The following PALB2 variants were observed in gnomAD, a reference collection of about 807,000 sequenced individuals.
The protein encoded by PALB2 is mutant partner and localizer of BRCA2.
A neutral mutation model predicts 107.4 loss-of-function variants in PALB2; 82 were observed. The ratio of observed to expected loss-of-function variants is 0.76; its 90% confidence interval spans 0.64 to 0.92. PALB2 has a LOEUF of 0.92. Ranked by LOEUF, PALB2 falls within the 40% of genes least tolerant of loss-of-function variation. The pLI, the probability that PALB2 is intolerant of heterozygous loss-of-function variation, is 0.00. For synonymous variants in PALB2, 489 were observed against 496.8 expected (o/e 0.98, Z 0.21); for missense variants, 1,374 against 1,379.9 (o/e 1.00, Z 0.07).
At position 23,635,982 on chromosome 16, in the gene PALB2, A is replaced by G. The variant is rs2142440308; in HGVS notation, c.564T>C (p.Ala188=). 1 of 1,614,180 alleles carries G rather than the reference A, an allele frequency of 6.2e-7. No individual in the cohort carries two copies. ...TTCTTATTTCAGTTACTGGTGATCT[A>G]GCAGGATTTTTGCTACTGATTTCTT... The part of the protein sequence containing the change: ...EQEEISSKNP[A]RSPVTEIRTH... The change falls in exon 4 of 13, where the codon GCT becomes GCC. Residue 188 remains alanine, a synonymous_variant. Transcript: ENST00000261584.
chr16:23,618,165 G>A lies in PALB2; in HGVS notation c.3113+3197C>T, dbSNP rs535214689. Reference sequence around the variant, plus strand: ...AATTTAAAAATTAGCAGGGCATGATGCTGTGTGCCTGCAGTCCCAGCTACT... The same window carrying A: ...AATTTAAAAATTAGCAGGGCATGATACTGTGTGCCTGCAGTCCCAGCTACT... On this transcript the variant is annotated intron_variant, in intron 10 of 12. Coordinates refer to ENST00000261584, the MANE Select transcript of PALB2 (RefSeq NM_024675.4). Among the ~76,000 whole-genome samples the A allele has an allele frequency of 1.4e-4, 22 of 151,748 alleles. 1 individual carries two copies. The highest frequency in any genetic ancestry group is 4.1e-4 in the African/African-American group (17 of 41,398).
intron 1 of PALB2, among the ~76,000 whole-genome samples, chr16:23,639,868 G>A (rs191706597): frequency 6.8e-4 from 104 of 152,116 alleles, no homozygotes; most frequent in Admixed American, 1.2e-3. Flanking sequence ...TACTAGACAA[G>A]TTGCCAACCG....
chr16:23,636,336 T>C lies in PALB2; in HGVS notation c.212-2A>G, dbSNP rs730881879. 7 of 1,586,880 alleles carry C rather than the reference T, an allele frequency of 4.4e-6. No individual in the cohort carries two copies. The highest frequency in any genetic ancestry group is 1.7e-5 in the Admixed American group (1 of 57,188). On this transcript the variant is annotated splice_acceptor_variant, in intron 3 of 12. Coordinates refer to ENST00000261584, the MANE Select transcript of PALB2 (RefSeq NM_024675.4). LOFTEE classifies it high-confidence loss of function. ...AAACACATATTTTATTTTTAGGTTCTGAGGAGGAAAAAAATGTATATAACT... is the reference window on the plus strand; with the variant it reads ...AAACACATATTTTATTTTTAGGTTCCGAGGAGGAAAAAAATGTATATAACT...
chr16:23,640,792 T>C, intron 1 of PALB2: 1 of 337,794 alleles, frequency 3.0e-6, no homozygotes, highest in Non-Finnish European at 5.4e-6. Flanking sequence ...AAGATTTACT[T>C]GAGGCCGTCC....
At chr16:23,625,215 C>T (rs1356240406) in intron 7 of PALB2, among the ~76,000 whole-genome samples, 1 of 152,080 alleles carries the variant, frequency 6.6e-6, no homozygotes, top group African/African-American at 2.4e-5. Flanking sequence ...CGCCTGTAGT[C>T]CCAGCTACTC....
At chr16:23,606,492 A>C (rs1237093819) in intron 12 of PALB2, among the ~76,000 whole-genome samples, 1 of 152,204 alleles carries the variant, frequency 6.6e-6, no homozygotes, top group Non-Finnish European at 1.5e-5. Flanking sequence ...GGTCCAAAAA[A>C]ACATGTATTG....
At chr16:23,622,861 A>G in intron 9 of PALB2, 108 bp downstream of exon 9, 2 of 1,260,314 alleles carry the variant, frequency 1.6e-6, no homozygotes, top group Non-Finnish European at 2.3e-6. Context: ...TGCTTATATT[A>G]CACCCCCAGC....
chr16:23,640,497 C>T, intron 1 of PALB2: 1 of 217,098 alleles, frequency 4.6e-6, no homozygotes, highest in Non-Finnish European at 9.3e-6. Flanking sequence ...GAGTGAGACT[C>T]TGTCTCAAAA....
At chr16:23,607,467 A>T (rs570277) in intron 12 of PALB2, 183,731 of 243,006 alleles carry the variant, frequency 0.76, 69,268 homozygotes, top group East Asian at 0.79. Context: ...ATATATATAT[A>T]TTTTTTTTGG....
At chr16:23,615,670 CT>C (rs907281481) in intron 10 of PALB2, among the ~76,000 whole-genome samples, 61 of 146,088 alleles carry the variant, frequency 4.2e-4, no homozygotes, top group East Asian at 3.9e-4. Context: ...AGTCCAAGTT[CT>C]TTTTTTTTTT....
chr16:23,619,183 G>C (rs1478901709), intron 10 of PALB2, among the ~76,000 whole-genome samples: 1 of 152,090 alleles, frequency 6.6e-6, no homozygotes, highest in Non-Finnish European at 1.5e-5. Context: ...CAAGGCTTCT[G>C]AGAAAAGAAA....
At chr16:23,613,936 G>T in intron 11 of PALB2, 68 bp downstream of exon 11, 2 of 1,179,984 alleles carry the variant, frequency 1.7e-6, no homozygotes, top group South Asian at 1.3e-5. Flanking sequence ...TACTGCTTAT[G>T]ACTTACTGCT....
At chr16:23,604,462 C>T (rs559086137) in intron 12 of PALB2, among the ~76,000 whole-genome samples, 1 of 152,338 alleles carries the variant, frequency 6.6e-6, no homozygotes, top group African/African-American at 2.4e-5. Context: ...ACAGGAGGTG[C>T]TCAATAAAAA....
Position 23,635,014 on chromosome 16 carries a change from C to T in PALB2, c.1532G>A (p.Arg511Lys), listed in dbSNP as rs1555461231. ...RKAVAQAPGR[R>K]YTGKRKSACT... ...GGCTGATTTTCTTTTTCCTGTGTAT[C>T]TTCTACCAGGTGCTTGGGCAACTGC... The change falls in exon 4 of 13, where the codon AGA (arginine) becomes AAA (lysine). Residue 511 changes from arginine to lysine, a missense_variant. Transcript: ENST00000261584. 1.2e-6 allele frequency: 2 copies of T among 1,614,110 alleles called. No individual in the cohort carries two copies. Among genetic ancestry groups the T allele is most frequent in the South Asian group, 2.2e-5 (2 of 91,078 alleles).
rs876658431 is a variant in PALB2, at chr16:23,635,339, GA to G, written c.1206del (p.Leu403CysfsTer21). 6.2e-7 allele frequency: 1 copy of G among 1,614,018 alleles called. No homozygotes were observed. The stretch of plus-strand genomic sequence containing the variant: ...CTAACATAATATTCTGCAGGAAACA[GA>G]AGGCCTTCAGGCACTGTGCAAGAAT... The part of the protein sequence containing the change: ...EKHSCTVPEG[L>X]LFPAEYYVRT... On this transcript the variant is annotated frameshift_variant, in exon 4 of 13. Transcript: ENST00000261584. LOFTEE classifies it high-confidence loss of function.
chr16:23,630,060 A>C lies in PALB2; in HGVS notation c.2094T>G (p.Leu698=), dbSNP rs2142381302. The change falls in exon 5 of 13, where the codon CTT becomes CTG. Residue 698 remains leucine (L), a synonymous_variant. Transcript: ENST00000261584. The part of the protein sequence containing the change: ...NSQSQHTKTG[L]SSSILLYTPL... ...GAGTATAAAGTAATATGGATGAAGA[A>C]AGGCCCGTCTTTGTATGCTGGCTTT... 1 of 1,614,142 alleles carries C rather than the reference A, an allele frequency of 6.2e-7. No individual in the cohort carries two copies. Among genetic ancestry groups the C allele is most frequent in the East Asian group, 2.2e-5 (1 of 44,886 alleles).
intron 10 of PALB2, among the ~76,000 whole-genome samples, chr16:23,614,539 C>A (rs548162790): frequency 2.1e-4 from 31 of 150,166 alleles, no homozygotes; most frequent in Non-Finnish European, 2.8e-4. Flanking sequence ...ATTTATACTA[C>A]AACTAGACCA....
intron 7 of PALB2, 34 bp from the exon 8 acceptor site, chr16:23,624,128 G>T: frequency 6.8e-7 from 1 of 1,465,750 alleles, no homozygotes; most frequent in South Asian, 1.1e-5. Flanking sequence ...AATTATGCTT[G>T]GTTGTTTCAT....
chr16:23,635,619 T>G lies in PALB2; in HGVS notation c.927A>C (p.Ile309=), dbSNP rs1326253995. 6.2e-7 allele frequency: 1 copy of G among 1,614,146 alleles called. No individual in the cohort carries two copies. The highest frequency in any genetic ancestry group is 8.5e-7 in the Non-Finnish European group (1 of 1,179,984). ...TTGTGGGCAGTTGGCCACTTTTACT[T>G]ATAGCTTTATTTACAAGGAGGTTAT... ...STDNLLVNKA[I]SKSGQLPTSS... Residue 309 remains isoleucine, a synonymous_variant, in exon 4 of 13, where the codon ATA becomes ATC. Coordinates refer to ENST00000261584, the MANE Select transcript of PALB2 (RefSeq NM_024675.4).
Sources: gnomAD v4.1 joint callset for allele counts (sites outside exome capture counted in the v4.1 genomes callset) on GRCh38, gnomAD v4.1.1 for gene constraint, MANE v1.5 for transcripts, NCBI Gene and HGNC (gene_info 2026-07-23, HGNC 2026-07-21) for gene names.